PM20D1: variants seen among roughly 807,000 people sequenced by gnomAD.
PM20D1 encodes peptidase M20 domain containing 1, also known as N-fatty-acyl-amino acid synthase/hydrolase PM20D1.
In PM20D1, 53 loss-of-function variants were observed where a neutral mutation model predicts 53.8. The ratio of observed to expected loss-of-function variants is 0.98; its 90% CI spans 0.79 to 1.24. The LOEUF is 1.24. Ranked by LOEUF, PM20D1 falls within the 50% of genes most tolerant of loss-of-function variation. The pLI, the probability that PM20D1 is intolerant of heterozygous loss-of-function variation, is 0.00. For missense variants in PM20D1, 564 were observed against 616.8 expected, an observed-to-expected ratio of 0.91 and a Z score of 0.91; for synonymous variants, 239 against 241.3, an observed-to-expected ratio of 0.99 and a Z score of 0.09.
At chr1:205,831,128 G>A (rs905794371) in intron 11 of PM20D1, among the ~76,000 whole-genome samples, 1 of 152,172 alleles carries the variant, frequency 6.6e-6, no homozygotes, top group Non-Finnish European at 1.5e-5. Flanking sequence ...TCTCCTGAAG[G>A]TGGTAGCAGG....
chr1:205,830,934 C>G (rs1281117452), intron 11 of PM20D1, among the ~76,000 whole-genome samples: 1 of 152,218 alleles, frequency 6.6e-6, no homozygotes, highest in African/African-American at 2.4e-5. Context: ...TTCTTTATCA[C>G]CTGACCTTTA....
chr1:205,842,577 G>A lies in PM20D1; in HGVS notation c.903+99C>T. ...GGGAATAGGTGAGAATAGGCAGAGT[G>A]CTGGACAGTACTAGGGTCCTTTTCT... On this transcript the variant is annotated intron_variant, in intron 7 of 12. Coordinates refer to ENST00000367136, the MANE Select transcript of PM20D1 (RefSeq NM_152491.5). 5.0e-6 allele frequency: 6 copies of A among 1,188,516 alleles called. 1 individual carries two copies. In the South Asian group the frequency reaches 7.6e-5, roughly 15 times the overall value. 73.6% of individuals were successfully genotyped at this position (1,188,516 alleles called of 1,614,324 possible).
In PM20D1 at chr1:205,849,965, C is replaced by T. The variant is rs1285078700; in HGVS notation, c.108G>A (p.Ala36=). 1.2e-6 allele frequency: 2 copies of T among 1,614,136 alleles called. No individual in the cohort carries two copies. The highest frequency in any genetic ancestry group is 1.6e-4 in the Middle Eastern group (1 of 6,062). ...TGCTGAACTGAGAAGGGATTCGCGA[C>T]GCCCTTTGATGCTCCCCGCTCCTCG... ...MGPRSGEHQR[A]SRIPSQFSKE... The change falls in exon 1 of 13, where the codon GCG becomes GCA. Residue 36 remains alanine (A), a synonymous_variant. Coordinates refer to ENST00000367136, the MANE Select transcript of PM20D1 (RefSeq NM_152491.5).
chr1:205,849,998 C>A lies in PM20D1; in HGVS notation c.75G>T (p.Ser25=). The change falls in exon 1 of 13, where the codon TCG becomes TCT. Residue 25 remains serine, a synonymous_variant. Transcript: ENST00000367136. ...GATGCTCCCCGCTCCTCGGGCCCAT[C>A]GATCTGGAGACGGTAGGGAAAACTA... ...LLLVFPTVSR[S]MGPRSGEHQR... is the part of the protein sequence containing the mutation. The A allele has an allele frequency of 6.2e-7, 1 of 1,614,136 alleles. No individual in the cohort carries two copies. Among genetic ancestry groups the A allele is most frequent in the South Asian group, 1.1e-5 (1 of 91,068 alleles).
intron 9 of PM20D1, among the ~76,000 whole-genome samples, chr1:205,841,485 C>T (rs1323053496): frequency 2.0e-5 from 3 of 152,156 alleles, no homozygotes; most frequent in Admixed American, 6.5e-5. Flanking sequence ...ATGAACACTA[C>T]AGCTGACACA....
intron 10 of PM20D1, among the ~76,000 whole-genome samples, chr1:205,839,376 A>G (rs1021393697): frequency 2.0e-5 from 3 of 152,174 alleles, no homozygotes; most frequent in Admixed American, 6.5e-5. Context: ...TAATTTTTAT[A>G]ATCATAGTTT....
rs1657094894 is a variant in PM20D1 at position 205,849,973 on chromosome 1, G to A, written c.100C>T (p.Gln34Ter). 1 of 1,614,120 alleles carries A rather than the reference G, an allele frequency of 6.2e-7. No homozygotes were observed. The stretch of plus-strand genomic sequence containing the variant: ...TGAGAAGGGATTCGCGACGCCCTTT[G>A]ATGCTCCCCGCTCCTCGGGCCCATC... ...RSMGPRSGEH[Q>*]RASRIPSQFS... is the part of the protein sequence containing the mutation. The change falls in exon 1 of 13, where the codon CAA becomes TAA. Residue 34 changes from glutamine (Q) to a stop codon, truncating the protein, a stop_gained. Coordinates refer to ENST00000367136, the MANE Select transcript of PM20D1 (RefSeq NM_152491.5). LOFTEE classifies it high-confidence loss of function.
At position 205,828,729 on chromosome 1, in the gene PM20D1, T is replaced by A. The variant is rs1292478949; in HGVS notation, c.1400A>T (p.Asn467Ile). The change falls in exon 13 of 13, where the codon AAC becomes ATC. Residue 467 changes from asparagine (N) to isoleucine (I), a missense_variant. Asn to Ile is a moderately radical substitution (Grantham distance 149). Transcript: ENST00000367136. ...ATAGGCTTGGACTGAGATTTTCTCG[T>A]TGACTCCATGGATGCTGAGGAAAGT... ...PEDFKRIHGV[N>I]EKISVQAYET... The A allele has an allele frequency of 1.9e-6, 3 of 1,614,092 alleles. No homozygotes were observed. In the South Asian group the frequency reaches 3.3e-5, roughly 18 times the overall value.
At chr1:205,836,499 C>T (rs112795867) in intron 10 of PM20D1, among the ~76,000 whole-genome samples, 3 of 152,122 alleles carry the variant, frequency 2.0e-5, no homozygotes, top group African/African-American at 4.8e-5. Flanking sequence ...TATGGTGTCC[C>T]GTAATATCTA....
intron 5 of PM20D1, 21 bp downstream of exon 5, chr1:205,844,066 G>A (rs1316847449): frequency 5.6e-6 from 9 of 1,597,938 alleles, no homozygotes; most frequent in Non-Finnish European, 7.7e-6. Flanking sequence ...TCCAAGGTGT[G>A]GGGTGGGATG....
At chr1:205,841,345 T>A (rs938787834) in intron 9 of PM20D1, among the ~76,000 whole-genome samples, 71 of 152,164 alleles carry the variant, frequency 4.7e-4, no homozygotes, top group Non-Finnish European at 6.9e-4. Context: ...AACCTCTTTG[T>A]GCCTCTGTTT....
At chr1:205,834,755 A>G (rs1029006509) in intron 10 of PM20D1, among the ~76,000 whole-genome samples, 6 of 152,198 alleles carry the variant, frequency 3.9e-5, no homozygotes, top group African/African-American at 1.4e-4. Flanking sequence ...CCACTGCCCC[A>G]AATTCCTTAG....
At chr1:205,849,069 A>G in intron 1 of PM20D1, among the ~76,000 whole-genome samples, 1 of 152,236 alleles carries the variant, frequency 6.6e-6, no homozygotes, top group Middle Eastern at 3.2e-3. Context: ...CTAGCATATG[A>G]ACAATCTATA....
chr1:205,837,594 C>A (rs1571671556), intron 10 of PM20D1, among the ~76,000 whole-genome samples: 1 of 152,280 alleles, frequency 6.6e-6, no homozygotes, highest in South Asian at 2.1e-4. Flanking sequence ...GTTCCTGACG[C>A]ATGGAACTGG....
intron 10 of PM20D1, among the ~76,000 whole-genome samples, chr1:205,837,146 A>AATCTTGTCTGTCTT (rs759455421): frequency 4.6e-5 from 7 of 152,234 alleles, no homozygotes; most frequent in Non-Finnish European, 8.8e-5. Flanking sequence ...TTAGAATGGG[A>AATCTTGTCTGTCTT]ATCTTGTCTG....
At chr1:205,836,062 G>C (rs1656680866) in intron 10 of PM20D1, among the ~76,000 whole-genome samples, 1 of 152,136 alleles carries the variant, frequency 6.6e-6, no homozygotes, top group Non-Finnish European at 1.5e-5. Context: ...TTTTAGTGGA[G>C]ACGGGGTTTC....
intron 2 of PM20D1, among the ~76,000 whole-genome samples, chr1:205,847,015 T>TC (rs1415409554): frequency 7.5e-6 from 1 of 133,670 alleles, no homozygotes; most frequent in Non-Finnish European, 1.6e-5. Context: ...TCTTTTTTTT[T>TC]TTTTTTTTTT....
chr1:205,831,566 CTT>C (rs35289636), intron 11 of PM20D1, among the ~76,000 whole-genome samples: 1,585 of 127,792 alleles, frequency 0.012, 11 homozygotes, highest in South Asian at 0.032. Context: ...CGTCTCTCTC[CTT>C]TTTTTTTTTT....
At chr1:205,841,943 A>G in intron 8 of PM20D1, 54 bp from the exon 9 acceptor site, 1 of 1,487,318 alleles carries the variant, frequency 6.7e-7, no homozygotes, top group South Asian at 1.2e-5. Flanking sequence ...GGGTGAAGGA[A>G]AGGGCGGAAA....
Sources: allele counts gnomAD v4.1 joint callset (sites outside exome capture counted in the v4.1 genomes callset), GRCh38; gene constraint gnomAD v4.1.1; transcripts MANE v1.5; gene names NCBI Gene and HGNC (gene_info 2026-07-23, HGNC 2026-07-21).